Variants in GRID1 observed in about 807,000 individuals in gnomAD.
The protein encoded by GRID1 is glutamate ionotropic receptor delta type subunit 1.
A neutral mutation model predicts 98.0 loss-of-function variants in GRID1; 28 were observed. That is an observed-to-expected ratio of 0.29 (90% CI 0.21 to 0.39). The LOEUF (loss-of-function observed/expected upper bound fraction) is 0.39, where lower values mean the gene tolerates loss of function less well. Among genes scored for constraint, GRID1 ranks in the 10% least tolerant of loss-of-function variants. GRID1 has a pLI of 1.00. For missense variants in GRID1, 1,111 were observed against 1,340.5 expected (o/e 0.83, Z 2.67); for synonymous variants, 553 against 538.5 (o/e 1.03, Z -0.37).
At chr10:86,289,006 T>C (rs973990252) in intron 2 of GRID1, among the ~76,000 whole-genome samples, 1 of 152,164 alleles carries the variant, frequency 6.6e-6, no homozygotes, top group South Asian at 2.1e-4. Context: ...AACAAAAATA[T>C]GTGTAGACAC....
chr10:85,790,073 T>G (rs1450505397), intron 8 of GRID1, among the ~76,000 whole-genome samples: 1 of 152,132 alleles, frequency 6.6e-6, no homozygotes, highest in Non-Finnish European at 1.5e-5. Flanking sequence ...GGGCAATTCA[T>G]CCTCCTCCAG....
At chr10:85,663,033 T>C (rs567295818) in intron 12 of GRID1, among the ~76,000 whole-genome samples, 3 of 152,164 alleles carry the variant, frequency 2.0e-5, no homozygotes, top group South Asian at 2.1e-4. Flanking sequence ...TTCCTAAACA[T>C]GCGGACAACT....
intron 4 of GRID1, among the ~76,000 whole-genome samples, chr10:86,063,241 T>C (rs1263145599): frequency 6.6e-6 from 1 of 152,162 alleles, no homozygotes; most frequent in African/African-American, 2.4e-5. Flanking sequence ...CAGGTGGAAA[T>C]GGTGAGTACA....
intron 8 of GRID1, among the ~76,000 whole-genome samples, chr10:85,786,014 TACACATACACATGCACATACCACAG>T: frequency 6.6e-6 from 1 of 151,738 alleles, no homozygotes; most frequent in Non-Finnish European, 1.5e-5. Context: ...ACTATACACA[TACACATACACATGCACATACCACAG>T]ACACATACAC....
intron 5 of GRID1, among the ~76,000 whole-genome samples, chr10:85,890,993 C>A (rs1289555481): frequency 6.6e-6 from 1 of 152,128 alleles, no homozygotes; most frequent in East Asian, 1.9e-4. Context: ...GGCAGATATT[C>A]AAACAGAAAA....
intron 8 of GRID1, among the ~76,000 whole-genome samples, chr10:85,744,339 C>A (rs1841977708): frequency 3.3e-5 from 5 of 152,066 alleles, no homozygotes; most frequent in Admixed American, 3.3e-4. Context: ...CTAATGTGGT[C>A]AACAACTGAT....
chr10:85,775,431 C>T (rs894578221), intron 8 of GRID1, among the ~76,000 whole-genome samples: 3 of 151,952 alleles, frequency 2.0e-5, no homozygotes, highest in Non-Finnish European at 4.4e-5. Context: ...ACATATGTAA[C>T]TAACCTGCAC....
chr10:86,296,224 G>C (rs555738799), intron 2 of GRID1, among the ~76,000 whole-genome samples: 112 of 152,332 alleles, frequency 7.4e-4, no homozygotes, highest in African/African-American at 2.5e-3. Context: ...GTGACAAGAA[G>C]GAAAATGCTA....
intron 13 of GRID1, among the ~76,000 whole-genome samples, chr10:85,622,740 G>GA (rs1264093580): frequency 6.6e-6 from 1 of 152,242 alleles, no homozygotes; most frequent in Non-Finnish European, 1.5e-5. Context: ...GGAGACGGCA[G>GA]AAAATCTAAT....
intron 4 of GRID1, among the ~76,000 whole-genome samples, chr10:86,007,288 G>A (rs1176694469): frequency 3.9e-5 from 6 of 152,140 alleles, no homozygotes; most frequent in East Asian, 3.9e-4. Flanking sequence ...CTTCTCTGCC[G>A]CTCTCTCCTC....
chr10:86,170,458 C>T (rs1589396155), intron 3 of GRID1, among the ~76,000 whole-genome samples: 1 of 152,244 alleles, frequency 6.6e-6, no homozygotes, highest in Non-Finnish European at 1.5e-5. Flanking sequence ...CCATAGGCCC[C>T]ATCACAAATG....
At chr10:86,285,657 G>A (rs1015656491) in intron 2 of GRID1, among the ~76,000 whole-genome samples, 5 of 152,182 alleles carry the variant, frequency 3.3e-5, no homozygotes, top group African/African-American at 1.2e-4. Flanking sequence ...GATATGTACC[G>A]GAGATGAGGG....
At chr10:86,044,239 T>C (rs995833014) in intron 4 of GRID1, among the ~76,000 whole-genome samples, 1 of 152,232 alleles carries the variant, frequency 6.6e-6, no homozygotes, top group Non-Finnish European at 1.5e-5. Context: ...AAGTGGCTAA[T>C]GGCATTTCAT....
intron 8 of GRID1, among the ~76,000 whole-genome samples, chr10:85,758,011 T>A (rs936572470): frequency 6.6e-6 from 1 of 152,204 alleles, no homozygotes; most frequent in Non-Finnish European, 1.5e-5. Context: ...TGACCTTCCT[T>A]GGACATTGAG....
intron 12 of GRID1, among the ~76,000 whole-genome samples, chr10:85,673,155 G>T (rs552691769): frequency 7.2e-4 from 110 of 152,356 alleles, no homozygotes; most frequent in Admixed American, 2.1e-3. Context: ...ACTAGAATTA[G>T]AAAGGGAGCC....
chr10:86,108,348 G>T (rs1424194131), intron 4 of GRID1, among the ~76,000 whole-genome samples: 1 of 152,158 alleles, frequency 6.6e-6, no homozygotes, highest in African/African-American at 2.4e-5. Context: ...TGGAATTTAG[G>T]GGATTCGACA....
At chr10:86,076,290 A>G (rs1469172771) in intron 4 of GRID1, among the ~76,000 whole-genome samples, 1 of 152,236 alleles carries the variant, frequency 6.6e-6, no homozygotes, top group Non-Finnish European at 1.5e-5. Flanking sequence ...GTAATGAAAC[A>G]GTAAGTTTAA....
At chr10:85,630,221 A>C (rs1842960470) in intron 13 of GRID1, among the ~76,000 whole-genome samples, 1 of 152,196 alleles carries the variant, frequency 6.6e-6, no homozygotes, top group South Asian at 2.1e-4. Context: ...GGCAAGAACA[A>C]GGGTTTGGAG....
At chr10:85,978,267 A>G (rs559035502) in intron 4 of GRID1, among the ~76,000 whole-genome samples, 4 of 152,154 alleles carry the variant, frequency 2.6e-5, no homozygotes, top group Non-Finnish European at 4.4e-5. Context: ...ACCTCTGACT[A>G]TCTACCAGGC....
Sources: gnomAD v4.1 joint callset for allele counts (sites outside exome capture counted in the v4.1 genomes callset) on GRCh38, gnomAD v4.1.1 for gene constraint, MANE v1.5 for transcripts, NCBI Gene and HGNC (gene_info 2026-07-23, HGNC 2026-07-21) for gene names.